Variants in GCNA observed in about 807,000 individuals in gnomAD.
GCNA encodes the protein germ cell nuclear acidic peptidase, also known as germ cell nuclear acidic protein.
GCNA carries 3 observed loss-of-function variants against 38.8 expected under a neutral mutation model. That is an observed-to-expected ratio of 0.08 (90% CI 0.04 to 0.20). GCNA has a LOEUF of 0.20. GCNA is among the 10% of genes least tolerant of loss of function. The probability of loss-of-function intolerance (pLI) is 1.00; values close to 1 mark genes in which losing one functional copy is unlikely to be tolerated. For missense variants in GCNA, 446 were observed against 578.6 expected, an observed-to-expected ratio of 0.77 and a Z score of 2.35; for synonymous variants, 195 against 240.2, an observed-to-expected ratio of 0.81 and a Z score of 1.74.
At chrX:71,603,013 A>G (rs1410174824) in intron 7 of GCNA, among the ~76,000 whole-genome samples, 1 of 112,485 alleles carries the variant, frequency 8.9e-6, no homozygotes, top group Non-Finnish European at 1.9e-5. Context: ...CAGGTTTCCC[A>G]GCACCATTTA....
chrX:71,610,462 A>G (rs1187238767), intron 10 of GCNA, among the ~76,000 whole-genome samples: 3 of 111,448 alleles, frequency 2.7e-5, no homozygotes, highest in Non-Finnish European at 3.8e-5. Flanking sequence ...AAATACGAAA[A>G]ATTAGCTGGG....
intron 2 of GCNA, among the ~76,000 whole-genome samples, chrX:71,585,059 C>G (rs765481228): frequency 8.2e-5 from 9 of 109,563 alleles, no homozygotes; most frequent in African/African-American, 3.0e-4. Context: ...ACCTGTAATC[C>G]CGGCACTTTG....
At chrX:71,579,435 G>A (rs747202925) in intron 1 of GCNA, among the ~76,000 whole-genome samples, 6 of 101,780 alleles carry the variant, frequency 5.9e-5, no homozygotes, top group South Asian at 4.9e-4. Context: ...TTCTGGTGGC[G>A]GCGTAGGAAC....
chrX:71,609,423 G>C (rs1377254501), intron 10 of GCNA, among the ~76,000 whole-genome samples: 1 of 111,864 alleles, frequency 8.9e-6, no homozygotes, highest in Non-Finnish European at 1.9e-5. Flanking sequence ...AAACAGGATG[G>C]GGGAGAGGGA....
Position 71,580,846 on chromosome X carries a change from C to T in GCNA, c.25C>T (p.Pro9Ser). 16 of 1,202,628 alleles carry T rather than the reference C, an allele frequency of 1.3e-5. No homozygotes were observed. Among genetic ancestry groups the T allele is most frequent in the Non-Finnish European group, 1.8e-5 (16 of 890,612 alleles). Residue 9 changes from proline to serine, a missense_variant, in exon 2 of 13, where the codon CCC (proline) becomes TCC (serine). Pro to Ser is a moderately conservative substitution (Grantham distance 74). Around this residue, in one of 7 missense-constraint regions of GCNA, gnomAD observed 21 missense variants for 16.5 expected, o/e 1.27. Transcript: ENST00000373696. Reference protein sequence around the residue: MDGCKKELPRLQEPEEDED... With the variant: MDGCKKELSRLQEPEEDED... ...CATGGATGGGTGCAAAAAAGAGCTG[C>T]CCCGCTTGCAAGAGCCGGAGGAGGA...
intron 7 of GCNA, among the ~76,000 whole-genome samples, chrX:71,600,431 A>G (rs909654588): frequency 1.5e-4 from 17 of 112,274 alleles, no homozygotes; most frequent in African/African-American, 5.5e-4. Context: ...TAAATTATAG[A>G]AATTTAACTT....
intron 2 of GCNA, among the ~76,000 whole-genome samples, chrX:71,590,917 A>C (rs1248942621): frequency 1.8e-5 from 2 of 111,257 alleles, no homozygotes; most frequent in African/African-American, 6.5e-5. Flanking sequence ...TCCTGACCTC[A>C]AGCAATGCAA....
At chrX:71,611,690 A>G (rs1382592595) in intron 11 of GCNA, among the ~76,000 whole-genome samples, 1 of 111,394 alleles carries the variant, frequency 9.0e-6, no homozygotes, top group African/African-American at 3.3e-5. Flanking sequence ...CCACGGCCAT[A>G]GCGATTGCTC....
intron 11 of GCNA, 64 bp downstream of exon 11, chrX:71,610,883 A>G (rs2040805515): frequency 8.4e-7 from 1 of 1,186,337 alleles, no homozygotes. Flanking sequence ...TGCCTGTGAA[A>G]TTACTCCTAG....
Position 71,585,514 on chromosome X carries a change from TA to T in GCNA, c.59+4637del, listed in dbSNP as rs767842299. Among the ~76,000 whole-genome samples, 122 of 110,026 alleles carry T rather than the reference TA, an allele frequency of 1.1e-3. 1 individual carries two copies. Among genetic ancestry groups the T allele is most frequent in the South Asian group, 7.8e-3 (20 of 2,565 alleles). ...CCTTTAGCATTTAATGAAGAATTGA[TA>T]AACCTGAGTTTCTGAAGCTACAGGT... On this transcript the variant is annotated intron_variant, in intron 2 of 12. Transcript: ENST00000373696.
rs1416685504 is a variant in GCNA, at chrX:71,578,499, C to A, written c.-26C>A. On this transcript the variant is annotated 5_prime_UTR_variant, in exon 1 of 13. Transcript: ENST00000373696. ...GCAGTTGGAGGTGAGCTGCTGCCGGCCACGCCAGAGGCTGCAACACCAGGT... is the reference window on the plus strand; with the variant it reads ...GCAGTTGGAGGTGAGCTGCTGCCGGACACGCCAGAGGCTGCAACACCAGGT... 1 of 112,753 alleles carries A rather than the reference C, an allele frequency of 8.9e-6. No individual in the cohort carries two copies. Among genetic ancestry groups the A allele is most frequent in the Non-Finnish European group, 1.9e-5 (1 of 53,374 alleles). 9.3% of individuals were successfully genotyped at this position (112,753 alleles called of 1,213,427 possible).
chrX:71,600,009 C>T (rs1002342640), intron 7 of GCNA, among the ~76,000 whole-genome samples: 1 of 112,275 alleles, frequency 8.9e-6, no homozygotes, highest in South Asian at 3.7e-4. Flanking sequence ...ATGAATATAT[C>T]TTTCACATCT....
chrX:71,601,225 T>A (rs900148379), intron 7 of GCNA, among the ~76,000 whole-genome samples: 1 of 110,038 alleles, frequency 9.1e-6, no homozygotes, highest in Admixed American at 9.7e-5. Flanking sequence ...GTGCCTGTAG[T>A]CCCCGCTACT....
Position 71,578,521 on chromosome X carries a change from A to G in GCNA, c.-4A>G, listed in dbSNP as rs2040518569. 8.9e-6 allele frequency: 1 copy of G among 112,828 alleles called. No individual in the cohort carries two copies. Among genetic ancestry groups the G allele is most frequent in the Admixed American group, 9.4e-5 (1 of 10,645 alleles). The allele number at this position is 112,828 out of a possible 1,213,427, so 9.3% of individuals were successfully genotyped here. A position where few individuals can be genotyped will look rare whatever the true frequency, so the allele number is the denominator to read the frequency against. ...CGGCCACGCCAGAGGCTGCAACACC[A>G]GGTAGGTGACCGGCTGGTCGGACTG... On this transcript the variant is annotated splice_region_variant and 5_prime_UTR_variant, in exon 1 of 13. Coordinates refer to ENST00000373696, the MANE Select transcript of GCNA (RefSeq NM_052957.5).
At chrX:71,582,618 ACTTTTT>A (rs1251763889) in intron 2 of GCNA, among the ~76,000 whole-genome samples, 2 of 111,491 alleles carry the variant, frequency 1.8e-5, no homozygotes, top group African/African-American at 6.5e-5. Flanking sequence ...CACTACTGAG[ACTTTTT>A]CTTTTAAACT....
intron 2 of GCNA, among the ~76,000 whole-genome samples, chrX:71,582,157 C>A (rs2040550885): frequency 9.3e-6 from 1 of 107,069 alleles, no homozygotes; most frequent in Non-Finnish European, 1.9e-5. Flanking sequence ...CCTATAGTCC[C>A]AGCTACTCGG....
At chrX:71,598,153 G>A in intron 7 of GCNA, 115 bp downstream of exon 7, 1 of 518,255 alleles carries the variant, frequency 1.9e-6, no homozygotes, top group Non-Finnish European at 3.2e-6. Flanking sequence ...AGTAGTGAGT[G>A]CCACCGTTTC....
intron 2 of GCNA, among the ~76,000 whole-genome samples, chrX:71,583,576 G>A (rs1002663048): frequency 2.7e-5 from 3 of 110,236 alleles, no homozygotes; most frequent in Non-Finnish European, 1.9e-5. Context: ...TTACCTATTA[G>A]CAAATTTTAA....
intron 9 of GCNA, among the ~76,000 whole-genome samples, chrX:71,607,898 T>G (rs888761674): frequency 8.9e-6 from 1 of 112,806 alleles, no homozygotes; most frequent in Non-Finnish European, 1.9e-5. Context: ...TGCGGGAAAT[T>G]GCAATTTGTG....
Sources: allele counts gnomAD v4.1 joint callset (sites outside exome capture counted in the v4.1 genomes callset), GRCh38; gene constraint gnomAD v4.1.1; regional missense constraint gnomAD v4.1.1; transcripts MANE v1.5; gene names NCBI Gene and HGNC (gene_info 2026-07-23, HGNC 2026-07-21).